Variants in SLC38A11 observed in about 807,000 individuals in gnomAD.
The protein encoded by SLC38A11 is solute carrier family 38 member 11, also known as putative sodium-coupled neutral amino acid transporter 11.
A neutral mutation model predicts 49.4 loss-of-function variants in SLC38A11; 51 were observed. That is an observed-to-expected ratio of 1.03 (90% CI 0.83 to 1.30). SLC38A11 has a LOEUF of 1.30. Among genes scored for constraint, SLC38A11 ranks in the 50% most tolerant of loss-of-function variants. SLC38A11 has a pLI of 0.00. For synonymous variants in SLC38A11, 203 were observed against 192.9 expected (o/e 1.05, Z -0.43); for missense variants, 574 against 556.2 (o/e 1.03, Z -0.32).
Position 164,918,082 on chromosome 2 carries a change from GA to G in SLC38A11, c.618-2110del, listed in dbSNP as rs1264603913. Among the ~76,000 whole-genome samples, 318 of 139,508 alleles carry G rather than the reference GA, an allele frequency of 2.3e-3. 1 individual carries two copies. Among genetic ancestry groups the G allele is most frequent in the African/African-American group, 4.6e-3 (176 of 38,292 alleles). 91.5% of individuals were successfully genotyped at this position (139,508 alleles called of 152,430 possible). A position where few individuals can be genotyped will look rare whatever the true frequency, so the allele number is the denominator to read the frequency against. On this transcript the variant is annotated intron_variant, in intron 7 of 11. Coordinates refer to ENST00000685975, the MANE Select transcript of SLC38A11 (RefSeq NM_001351537.2). ...GTTCCAGATACAATCAGTTGTACAG[GA>G]AAAAAAAAAAAGAGAGAGAAGAAAG... is the stretch of plus-strand genomic sequence containing the variant.
At chr2:164,926,830 AG>A (rs1686627327) in intron 7 of SLC38A11, among the ~76,000 whole-genome samples, 1 of 131,084 alleles carries the variant, frequency 7.6e-6, no homozygotes, top group African/African-American at 2.9e-5. Flanking sequence ...ACTTGGACAC[AG>A]GGTGGTGAAC....
intron 3 of SLC38A11, among the ~76,000 whole-genome samples, chr2:164,945,929 C>T (rs1688074956): frequency 6.6e-6 from 1 of 152,034 alleles, no homozygotes; most frequent in South Asian, 2.1e-4. Flanking sequence ...ACATATTTTT[C>T]AATCAAGATG....
At chr2:164,930,453 A>G (rs1027384099) in intron 7 of SLC38A11, among the ~76,000 whole-genome samples, 1 of 151,308 alleles carries the variant, frequency 6.6e-6, no homozygotes, top group Non-Finnish European at 1.5e-5. Flanking sequence ...AACATCAACA[A>G]AAAAAAAACT....
chr2:164,908,414 C>A (rs1373165448), intron 11 of SLC38A11, among the ~76,000 whole-genome samples: 1 of 152,060 alleles, frequency 6.6e-6, no homozygotes, highest in Non-Finnish European at 1.5e-5. Context: ...CACTGCCTAC[C>A]CAGTTGTGAC....
At chr2:164,923,903 T>G (rs1007316903) in intron 7 of SLC38A11, among the ~76,000 whole-genome samples, 2 of 152,082 alleles carry the variant, frequency 1.3e-5, no homozygotes, top group African/African-American at 4.8e-5. Context: ...GGAAAGCAGT[T>G]TGGAGATATT....
chr2:164,942,578 G>A (rs1405449575), intron 5 of SLC38A11, among the ~76,000 whole-genome samples: 2 of 152,188 alleles, frequency 1.3e-5, no homozygotes, highest in South Asian at 2.1e-4. Flanking sequence ...ATATGTAAAT[G>A]TATTTCTTTC....
At position 164,915,953 on chromosome 2, in the gene SLC38A11, C is replaced by A; in HGVS notation, c.638G>T (p.Trp213Leu). 6.3e-7 allele frequency: 1 copy of A among 1,594,300 alleles called. No homozygotes were observed. The highest frequency in any genetic ancestry group is 8.6e-7 in the Non-Finnish European group (1 of 1,165,430). Residue 213 changes from tryptophan to leucine, a missense_variant, in exon 8 of 12, where the codon TGG becomes TTG. Transcript: ENST00000685975. The stretch of plus-strand genomic sequence containing the variant: ...AATGGCATTGGGCTTTGCAAATACC[C>A]AAGCGTCTTCTGTTTTTGGTCTAGA... The part of the protein sequence containing the change: ...GPHIPKTEDA[W>L]VFAKPNAIQA...
At position 164,898,681 on chromosome 2, in the gene SLC38A11, T is replaced by A. The variant is rs767001749; in HGVS notation, c.1145A>T (p.Tyr382Phe). The A allele has an allele frequency of 6.2e-7, 1 of 1,613,406 alleles. No homozygotes were observed. Among genetic ancestry groups the A allele is most frequent in the Admixed American group, 1.7e-5 (1 of 59,894 alleles). Residue 382 changes from tyrosine to phenylalanine, a missense_variant, in exon 12 of 12, where the codon TAT (tyrosine) becomes TTT (phenylalanine). Coordinates refer to ENST00000685975, the MANE Select transcript of SLC38A11 (RefSeq NM_001351537.2). ...CCTTGGTTCTTCAGACAGTTTCAGA[T>A]AACAGGCTGATGGAATGATAAAAAT... ...PLIFIIPSAC[Y>F]LKLSEEPRTH...
chr2:164,908,424 C>T lies in SLC38A11; in HGVS notation c.1095+216G>A, dbSNP rs142809607. Among the ~76,000 whole-genome samples the T allele has an allele frequency of 1.8e-4, 27 of 152,194 alleles. No individual in the cohort carries two copies. In the South Asian group the frequency reaches 3.9e-3, roughly 22 times the overall value. ...AACAGCACTGCCTACCCAGTTGTGA[C>T]GACCCCATATGTCTCTAAACAACCA... On this transcript the variant is annotated intron_variant, in intron 11 of 11. Transcript: ENST00000685975.
At position 164,898,466 on chromosome 2, in the gene SLC38A11, A is replaced by G. The variant is rs370478908; in HGVS notation, c.1360T>C (p.Ser454Pro). The G allele has an allele frequency of 3.1e-5, 50 of 1,612,630 alleles. No homozygotes were observed. Among genetic ancestry groups the G allele is most frequent in the East Asian group, 2.9e-4 (13 of 44,822 alleles). ...TGAAAGATACTAATATTTAAAGTAG[A>G]AAGTTGTGTTGTCTGCTGAACATGA... ...ESHVQQTTQL[S>P]TLNISIFQ Residue 454 changes from serine to proline, a missense_variant, in exon 12 of 12, where the codon TCT becomes CCT. Physicochemically the swap from Ser to Pro is moderately conservative, Grantham distance 74. Transcript: ENST00000685975.
At chr2:164,902,529 G>A (rs898531918) in intron 11 of SLC38A11, among the ~76,000 whole-genome samples, 1 of 152,100 alleles carries the variant, frequency 6.6e-6, no homozygotes, top group Admixed American at 6.6e-5. Flanking sequence ...ATAGTATAAT[G>A]AAATCCTATG....
chr2:164,951,216 GT>G (rs72003578), intron 3 of SLC38A11, among the ~76,000 whole-genome samples: 3,324 of 152,128 alleles, frequency 0.022, 118 homozygotes, highest in African/African-American at 0.075. Context: ...ACTTTTAAAT[GT>G]TTTCTACCTA....
intron 7 of SLC38A11, among the ~76,000 whole-genome samples, chr2:164,919,817 G>C (rs1300777568): frequency 6.6e-6 from 1 of 151,938 alleles, no homozygotes; most frequent in Non-Finnish European, 1.5e-5. Flanking sequence ...TCCACAGTTG[G>C]TTGTGTCTGC....
intron 6 of SLC38A11, among the ~76,000 whole-genome samples, chr2:164,938,116 A>G (rs1054515427): frequency 1.3e-5 from 2 of 152,184 alleles, no homozygotes; most frequent in Non-Finnish European, 2.9e-5. Context: ...GAAAAAGCAC[A>G]TTATGGATCC....
chr2:164,948,894 T>TTTC (rs1168038309), intron 3 of SLC38A11, among the ~76,000 whole-genome samples: 88 of 147,136 alleles, frequency 6.0e-4, no homozygotes, highest in African/African-American at 2.1e-3. Context: ...CTCACTTTTT[T>TTTC]TTTTTTTTTT....
chr2:164,920,119 C>T (rs1157905036), intron 7 of SLC38A11, among the ~76,000 whole-genome samples: 3 of 151,802 alleles, frequency 2.0e-5, no homozygotes, highest in African/African-American at 7.3e-5. Flanking sequence ...ACTAAAAATA[C>T]AAAAATTAGC....
chr2:164,932,046 G>A (rs1019725637), intron 7 of SLC38A11, among the ~76,000 whole-genome samples: 1 of 152,020 alleles, frequency 6.6e-6, no homozygotes, highest in South Asian at 2.1e-4. Flanking sequence ...CTAATATATA[G>A]CATCTTATAA....
At chr2:164,902,309 C>T (rs562038957) in intron 11 of SLC38A11, among the ~76,000 whole-genome samples, 1 of 152,160 alleles carries the variant, frequency 6.6e-6, no homozygotes, top group Non-Finnish European at 1.5e-5. Flanking sequence ...GTGTGAGCCA[C>T]CGCACCCAGC....
At chr2:164,914,154 T>C (rs976192083) in intron 9 of SLC38A11, among the ~76,000 whole-genome samples, 3 of 152,062 alleles carry the variant, frequency 2.0e-5, no homozygotes, top group Admixed American at 2.0e-4. Context: ...ATGAGCAAGT[T>C]ACTTCACCTC....
Sources: gnomAD v4.1 joint callset for allele counts (sites outside exome capture counted in the v4.1 genomes callset) on GRCh38, gnomAD v4.1.1 for gene constraint, MANE v1.5 for transcripts, NCBI Gene and HGNC (gene_info 2026-07-23, HGNC 2026-07-21) for gene names.